The following ZNF521 variants were observed in gnomAD, a reference collection of about 807,000 sequenced individuals.
ZNF521 encodes the protein zinc finger protein 521.
In ZNF521, 14 loss-of-function variants were observed where a neutral mutation model predicts 105.5. That is an observed-to-expected ratio of 0.13 (90% CI 0.09 to 0.21). ZNF521 has a LOEUF of 0.21. Ranked by LOEUF, ZNF521 falls within the 10% of genes least tolerant of loss-of-function variation. ZNF521 has a pLI of 1.00. For synonymous variants in ZNF521, 635 were observed against 606.0 expected (o/e 1.05, Z -0.70); for missense variants, 1,233 against 1,629.7 (o/e 0.76, Z 4.19).
intron 5 of ZNF521, among the ~76,000 whole-genome samples, chr18:25,121,701 T>G (rs2034447501): frequency 6.6e-6 from 1 of 151,886 alleles, no homozygotes; most frequent in Non-Finnish European, 1.5e-5. Flanking sequence ...AAGTACTGGG[T>G]AGAGTATGCA....
At chr18:25,347,401 T>A (rs993312941) in intron 2 of ZNF521, among the ~76,000 whole-genome samples, 1 of 152,228 alleles carries the variant, frequency 6.6e-6, no homozygotes, top group Non-Finnish European at 1.5e-5. Flanking sequence ...AGAATTTTGA[T>A]GCTAGGGCTT....
intron 2 of ZNF521, chr18:25,327,315 C>T (rs1443965967): frequency 4.1e-6 from 2 of 484,186 alleles, no homozygotes; most frequent in Non-Finnish European, 5.4e-6. Flanking sequence ...CAAATCACTG[C>T]AAATGATGCA....
At chr18:25,348,690 G>C (rs1482454649) in intron 2 of ZNF521, among the ~76,000 whole-genome samples, 1 of 69,744 alleles carries the variant, frequency 1.4e-5, no homozygotes, top group East Asian at 3.9e-4. Context: ...GAATTTAGCA[G>C]TTGAAACAGA....
intron 3 of ZNF521, among the ~76,000 whole-genome samples, chr18:25,311,527 T>C (rs1038721706): frequency 6.6e-6 from 1 of 152,128 alleles, no homozygotes; most frequent in East Asian, 1.9e-4. Context: ...ATAGACCAAA[T>C]GACTGCAGAG....
chr18:25,157,282 A>T (rs2035164226), intron 5 of ZNF521, among the ~76,000 whole-genome samples: 1 of 152,216 alleles, frequency 6.6e-6, no homozygotes, highest in Non-Finnish European at 1.5e-5. Flanking sequence ...GTTGCTACAT[A>T]TCTGATGGAG....
intron 5 of ZNF521, among the ~76,000 whole-genome samples, chr18:25,152,556 A>G (rs1221139034): frequency 6.6e-6 from 1 of 152,154 alleles, no homozygotes; most frequent in African/African-American, 2.4e-5. Flanking sequence ...CCCCTCCCTA[A>G]GTGTCTAACC....
At chr18:25,213,414 A>G (rs929849094) in intron 4 of ZNF521, among the ~76,000 whole-genome samples, 1 of 151,722 alleles carries the variant, frequency 6.6e-6, no homozygotes, top group Admixed American at 6.6e-5. Context: ...AATATAATTT[A>G]TCTCTTTTAA....
chr18:25,309,545 A>C (rs1317085516), intron 3 of ZNF521, among the ~76,000 whole-genome samples: 1 of 152,244 alleles, frequency 6.6e-6, no homozygotes, highest in Admixed American at 6.5e-5. Flanking sequence ...ATGCAGGATA[A>C]TATATGTAAT....
chr18:25,076,325 T>C (rs983770256), intron 7 of ZNF521, among the ~76,000 whole-genome samples: 1 of 152,222 alleles, frequency 6.6e-6, no homozygotes, highest in Admixed American at 6.5e-5. Flanking sequence ...ATTCTTGCTG[T>C]TGGTTGGAAG....
At chr18:25,092,183 C>T in intron 5 of ZNF521, 102 bp from the exon 6 acceptor site, 1 of 1,321,624 alleles carries the variant, frequency 7.6e-7, no homozygotes, top group Non-Finnish European at 1.0e-6. Flanking sequence ...TTTCCATCAC[C>T]TAATATACAT....
chr18:25,130,895 A>C (rs2034629216), intron 5 of ZNF521, among the ~76,000 whole-genome samples: 1 of 152,070 alleles, frequency 6.6e-6, no homozygotes, highest in African/African-American at 2.4e-5. Context: ...GTGGGTTATG[A>C]TCACACCACT....
At chr18:25,195,048 C>T (rs1008598088) in intron 5 of ZNF521, 112 bp downstream of exon 5, 6 of 868,350 alleles carry the variant, frequency 6.9e-6, no homozygotes, top group Middle Eastern at 3.1e-4. Context: ...TCAATCATGC[C>T]GAGGAAAAAC....
intron 3 of ZNF521, among the ~76,000 whole-genome samples, chr18:25,253,776 C>A (rs765059488): frequency 5.9e-5 from 9 of 152,038 alleles, no homozygotes; most frequent in African/African-American, 2.2e-4. Context: ...TGGAGAAATA[C>A]AGATATAAAT....
intron 3 of ZNF521, among the ~76,000 whole-genome samples, chr18:25,275,565 T>C (rs139102344): frequency 6.6e-6 from 1 of 152,310 alleles, no homozygotes; most frequent in Non-Finnish European, 1.5e-5. Flanking sequence ...AAACACATCA[T>C]ACTTTCAAAA....
At chr18:25,127,287 G>C (rs996322318) in intron 5 of ZNF521, among the ~76,000 whole-genome samples, 4 of 151,924 alleles carry the variant, frequency 2.6e-5, no homozygotes, top group African/African-American at 9.7e-5. Flanking sequence ...GACAGTAGTA[G>C]GACAAGATAC....
At chr18:25,172,518 C>T (rs1481077421) in intron 5 of ZNF521, among the ~76,000 whole-genome samples, 1 of 152,186 alleles carries the variant, frequency 6.6e-6, no homozygotes, top group Non-Finnish European at 1.5e-5. Context: ...TTCCCTTCTA[C>T]TAAATCCCAC....
Position 25,225,048 on chromosome 18 carries a change from T to C in ZNF521, c.2870A>G (p.Lys957Arg). 1.2e-6 allele frequency: 2 copies of C among 1,614,168 alleles called. No individual in the cohort carries two copies. Among genetic ancestry groups the C allele is most frequent in the African/African-American group, 1.3e-5 (1 of 75,050 alleles). Residue 957 changes from lysine (K) to arginine (R), a missense_variant, in exon 4 of 8, where the codon AAA (lysine) becomes AGA (arginine). Physicochemically the swap from Lys to Arg is conservative, Grantham distance 26 (BLOSUM62 2). Coordinates refer to ENST00000361524, the MANE Select transcript of ZNF521 (RefSeq NM_015461.3). This position sits in a 1 kb window ranked among gnomAD's most constrained non-coding sequence, Gnocchi z 5.6. Reference protein sequence around the residue: ...EHMQTHLGPVKHYMCPICGER... With the variant: ...EHMQTHLGPVRHYMCPICGER... ...TCCGCAAATAGGGCACATGTAGTGT[T>C]TGACAGGGCCTAGGTGGGTCTGCAT...
At chr18:25,142,242 T>A (rs1196873618) in intron 5 of ZNF521, among the ~76,000 whole-genome samples, 1 of 152,134 alleles carries the variant, frequency 6.6e-6, no homozygotes, top group African/African-American at 2.4e-5. Flanking sequence ...CCTAGATCTT[T>A]CAAGTTCTCT....
At chr18:25,075,093 G>A (rs1434873511) in intron 7 of ZNF521, among the ~76,000 whole-genome samples, 1 of 152,114 alleles carries the variant, frequency 6.6e-6, no homozygotes, top group Non-Finnish European at 1.5e-5. Context: ...AAATTCAAAG[G>A]TGAGCCGTAA....
Sources: allele counts gnomAD v4.1 joint callset (sites outside exome capture counted in the v4.1 genomes callset), GRCh38; gene constraint gnomAD v4.1.1; non-coding constraint Gnocchi (gnomAD v3.1); transcripts MANE v1.5; gene names NCBI Gene and HGNC (gene_info 2026-07-23, HGNC 2026-07-21).